APP: variants seen among roughly 807,000 people sequenced by gnomAD.
APP encodes the protein amyloid beta precursor protein, also known as amyloid-beta precursor protein.
Under a neutral mutation model 101.4 loss-of-function variants are expected in APP, and 31 were observed. The ratio of observed to expected loss-of-function variants is 0.31; its 90% CI spans 0.23 to 0.41. The LOEUF (loss-of-function observed/expected upper bound fraction) is 0.41. APP is among the 10% of genes least tolerant of loss of function. The pLI, the probability that APP is intolerant of heterozygous loss-of-function variation, is 1.00. For synonymous variants in APP, 366 were observed against 364.4 expected (o/e 1.00, Z -0.05); for missense variants, 839 against 1,003.7 (o/e 0.84, Z 2.22).
chr21:26,025,935 G>C lies in APP; in HGVS notation c.663-3893C>G, dbSNP rs73340708. 6.5e-3 allele frequency among the ~76,000 whole-genome samples: 987 copies of C among 152,246 alleles called. 13 individuals are homozygous for C. Among genetic ancestry groups the C allele is most frequent in the African/African-American group, 0.022 (928 of 41,546 alleles). ...TTGAATAATGCTGCATCTTCCCAAA[G>C]AATGCCAAACACAACAACATTACAA... is the stretch of plus-strand genomic sequence containing the variant. On this transcript the variant is annotated intron_variant, in intron 5 of 17. Coordinates refer to ENST00000346798, the MANE Select transcript of APP (RefSeq NM_000484.4).
chr21:26,054,530 G>A (rs569894390), intron 3 of APP, among the ~76,000 whole-genome samples: 15 of 151,988 alleles, frequency 9.9e-5, no homozygotes, highest in African/African-American at 3.4e-4. Flanking sequence ...GAGTCCAGAA[G>A]GAAGTAGCAC....
At position 26,063,526 on chromosome 21, in the gene APP, G is replaced by GA. The variant is rs1036108570; in HGVS notation, c.356-10179dup. 1.7e-3 allele frequency among the ~76,000 whole-genome samples: 239 copies of GA among 138,204 alleles called. 2 individuals carry two copies. Among genetic ancestry groups the GA allele is most frequent in the East Asian group, 3.1e-3 (15 of 4,838 alleles). The allele number at this position is 138,204 out of a possible 152,430, so 90.7% of individuals were successfully genotyped here. The stretch of plus-strand genomic sequence containing the variant: ...AAGATGAGACTGCAGCATCTTGTAA[G>GA]AAAAAAAAAAAAGAGGCTATGTCAA... On this transcript the variant is annotated intron_variant, in intron 3 of 17. Coordinates refer to ENST00000346798, the MANE Select transcript of APP (RefSeq NM_000484.4).
intron 17 of APP, among the ~76,000 whole-genome samples, chr21:25,889,109 C>T (rs974601696): frequency 9.2e-5 from 14 of 152,170 alleles, no homozygotes; most frequent in Non-Finnish European, 1.9e-4. Flanking sequence ...CGGGCTAAAA[C>T]GTGTCCCCCT....
At chr21:26,114,288 C>T (rs1226698443) in intron 1 of APP, among the ~76,000 whole-genome samples, 1 of 152,152 alleles carries the variant, frequency 6.6e-6, no homozygotes, top group African/African-American at 2.4e-5. Context: ...AATTTCTCTC[C>T]CCAGGGTAGC....
chr21:25,912,277 G>A (rs2039115638), intron 13 of APP, among the ~76,000 whole-genome samples: 1 of 152,190 alleles, frequency 6.6e-6, no homozygotes, highest in South Asian at 2.1e-4. Flanking sequence ...GGGCTCAGCT[G>A]CCATTTCCTC....
chr21:25,928,274 G>A (rs139452345), intron 13 of APP, among the ~76,000 whole-genome samples: 3 of 152,190 alleles, frequency 2.0e-5, no homozygotes, highest in African/African-American at 7.2e-5. Context: ...CCTGGGAGGC[G>A]GAGCTTGCAG....
At chr21:25,914,583 T>G (rs1303758574) in intron 13 of APP, among the ~76,000 whole-genome samples, 1 of 138,088 alleles carries the variant, frequency 7.2e-6, no homozygotes, top group Admixed American at 7.6e-5. Context: ...AGACGGAGTC[T>G]TGCTCTGTCG....
intron 17 of APP, among the ~76,000 whole-genome samples, chr21:25,891,026 T>C (rs2037661993): frequency 6.6e-6 from 1 of 152,220 alleles, no homozygotes; most frequent in Admixed American, 6.5e-5. Flanking sequence ...TTTAACACTT[T>C]TTCCCCCATC....
chr21:25,882,701 T>G (rs181954130), intron 17 of APP, among the ~76,000 whole-genome samples: 17 of 152,130 alleles, frequency 1.1e-4, no homozygotes, highest in African/African-American at 3.9e-4. Flanking sequence ...GCTGAATGAG[T>G]ATGTTAAAAT....
rs192351817 is a variant in APP, at chr21:26,038,846, C to T, written c.662+12154G>A. Reference sequence around the variant, plus strand: ...GCATTTTAAACAAGTCCACTGTAAACTTTACCGGCTTGATATGCATTTACA... The same window carrying T: ...GCATTTTAAACAAGTCCACTGTAAATTTTACCGGCTTGATATGCATTTACA... On this transcript the variant is annotated intron_variant, in intron 5 of 17. Coordinates refer to ENST00000346798, the MANE Select transcript of APP (RefSeq NM_000484.4). Among the ~76,000 whole-genome samples the T allele has an allele frequency of 2.0e-5, 3 of 152,262 alleles. No individual in the cohort carries two copies. The East Asian group carries it at 5.8e-4, about 29-fold the overall frequency.
Position 25,982,430 on chromosome 21 carries a change from C to T in APP, c.1138G>A (p.Glu380Lys), listed in dbSNP as rs755703063. 17 of 1,613,196 alleles carry T rather than the reference C, an allele frequency of 1.1e-5. No individual in the cohort carries two copies. The East Asian group carries it at 1.3e-4, about 13-fold the overall frequency. ...STPDAVDKYL[E>K]TPGDENEHAH... ...TGTTCATTCTCATCCCCAGGTGTCT[C>T]GAGATACTTGTCAACGGCATCAGGG... The change falls in exon 9 of 18, where the codon GAG (glutamate) becomes AAG (lysine). Residue 380 changes from glutamate (E) to lysine (K), a missense_variant. By Grantham distance (56) the Glu-to-Lys change is moderately conservative. Coordinates refer to ENST00000346798, the MANE Select transcript of APP (RefSeq NM_000484.4).
chr21:26,082,124 C>T (rs751858807), intron 3 of APP, among the ~76,000 whole-genome samples: 1 of 152,106 alleles, frequency 6.6e-6, no homozygotes. Context: ...GAGGCCGAGG[C>T]AGGAGAATCG....
At chr21:25,947,076 ATC>A (rs1053080421) in intron 13 of APP, among the ~76,000 whole-genome samples, 4 of 152,242 alleles carry the variant, frequency 2.6e-5, no homozygotes, top group African/African-American at 9.6e-5. Context: ...AAAAGAAAGT[ATC>A]TGTTTGCCAA....
At chr21:26,168,203 AT>A (rs2063658977) in intron 1 of APP, among the ~76,000 whole-genome samples, 1 of 152,204 alleles carries the variant, frequency 6.6e-6, no homozygotes, top group Non-Finnish European at 1.5e-5. Flanking sequence ...AACCCAGATA[AT>A]AACCATGTTT....
intron 9 of APP, among the ~76,000 whole-genome samples, chr21:25,981,505 T>C (rs2042428139): frequency 6.6e-6 from 1 of 152,114 alleles, no homozygotes; most frequent in Non-Finnish European, 1.5e-5. Flanking sequence ...ATTTGTTGAT[T>C]GAATGAATGA....
intron 5 of APP, among the ~76,000 whole-genome samples, chr21:26,033,793 TA>T (rs1211135224): frequency 2.6e-5 from 4 of 152,092 alleles, no homozygotes; most frequent in Non-Finnish European, 5.9e-5. Context: ...AGAACTTGGA[TA>T]AAATAACAGC....
chr21:26,121,061 C>G (rs948710243), intron 1 of APP, among the ~76,000 whole-genome samples: 1 of 152,086 alleles, frequency 6.6e-6, no homozygotes, highest in East Asian at 1.9e-4. Flanking sequence ...GGAATTCTGG[C>G]ATGTTGGGTC....
intron 5 of APP, among the ~76,000 whole-genome samples, chr21:26,025,867 T>C (rs1169810960): frequency 6.6e-6 from 1 of 152,268 alleles, no homozygotes; most frequent in Non-Finnish European, 1.5e-5. Flanking sequence ...TGAATTCAAT[T>C]ATTCATTTGG....
At position 25,892,058 on chromosome 21, in the gene APP, AAAAAAAAG is replaced by A. The variant is rs1029022213; in HGVS notation, c.2065-198_2065-191del. The stretch of plus-strand genomic sequence containing the variant: ...TTGATGCTTACTTTAAAAAAAAAAA[AAAAAAAAG>A]AAATCACATATTTTCCTACTAAGAA... On this transcript the variant is annotated intron_variant, in intron 16 of 17. Transcript: ENST00000346798. Among the ~76,000 whole-genome samples, 31 of 152,082 alleles carry A rather than the reference AAAAAAAAG, an allele frequency of 2.0e-4. 1 individual carries two copies. Among genetic ancestry groups the A allele is most frequent in the African/African-American group, 7.0e-4 (29 of 41,488 alleles).
Sources: gnomAD v4.1 joint callset for allele counts (sites outside exome capture counted in the v4.1 genomes callset) on GRCh38, gnomAD v4.1.1 for gene constraint, MANE v1.5 for transcripts, NCBI Gene and HGNC (gene_info 2026-07-23, HGNC 2026-07-21) for gene names.